CKMT2: variants seen among roughly 807,000 people sequenced by gnomAD.
CKMT2 encodes the protein creatine kinase S-type, mitochondrial.
CKMT2 carries 43 observed loss-of-function variants against 48.9 expected under a neutral mutation model. The observed-to-expected ratio is 0.88, with a 90% CI of 0.69 to 1.13. CKMT2 has a LOEUF of 1.13. Among genes scored for constraint, CKMT2 ranks in the 50% most tolerant of loss-of-function variants. The probability of loss-of-function intolerance (pLI) is 0.00; values close to 1 mark genes in which losing one functional copy is unlikely to be tolerated. For missense variants in CKMT2, 472 were observed against 555.4 expected (o/e 0.85, Z 1.51); for synonymous variants, 206 against 213.0 (o/e 0.97, Z 0.29).
intron 1 of CKMT2, chr5:81,242,641 T>C: frequency 3.8e-6 from 1 of 266,644 alleles, no homozygotes; most frequent in South Asian, 4.9e-5. Flanking sequence ...GACGCTGAGA[T>C]TTGTAGTGAG....
At chr5:81,257,301 G>A (rs1757047245) in intron 6 of CKMT2, among the ~76,000 whole-genome samples, 1 of 152,130 alleles carries the variant, frequency 6.6e-6, no homozygotes, top group Non-Finnish European at 1.5e-5. Context: ...GGGATGGACA[G>A]GCAGGATCCA....
intron 7 of CKMT2, 101 bp downstream of exon 7, chr5:81,257,957 A>T: frequency 8.4e-7 from 1 of 1,184,348 alleles, no homozygotes; most frequent in Non-Finnish European, 1.1e-6. Flanking sequence ...GATGGAGCTA[A>T]TTTTTTTCTA....
intron 1 of CKMT2, among the ~76,000 whole-genome samples, chr5:81,240,323 C>T (rs1220524076): frequency 4.6e-5 from 7 of 152,226 alleles, no homozygotes; most frequent in Non-Finnish European, 1.0e-4. Context: ...AAACACTCAG[C>T]ATACCTGAGA....
intron 7 of CKMT2, 98 bp downstream of exon 7, chr5:81,257,954 C>CTAAT (rs1757075335): frequency 2.5e-6 from 3 of 1,220,212 alleles, no homozygotes; most frequent in African/African-American, 1.5e-5. Context: ...CAAGATGGAG[C>CTAAT]TAATTTTTTT....
At position 81,249,433 on chromosome 5, in the gene CKMT2, C is replaced by T. The variant is rs573534664; in HGVS notation, c.-20-1680C>T. The stretch of plus-strand genomic sequence containing the variant: ...AGATCAAATAGAGTACTGAGAACTA[C>T]GTACTCTTTTGTTCTCTACTCAAAG... On this transcript the variant is annotated intron_variant, in intron 1 of 9. Coordinates refer to ENST00000254035, the MANE Select transcript of CKMT2 (RefSeq NM_001099735.2). 2.6e-5 allele frequency among the ~76,000 whole-genome samples: 4 copies of T among 152,268 alleles called. 1 individual carries two copies. The highest frequency in any genetic ancestry group is 2.9e-5 in the Non-Finnish European group (2 of 68,008).
At chr5:81,264,312 T>C (rs1277239406) in intron 9 of CKMT2, among the ~76,000 whole-genome samples, 1 of 152,224 alleles carries the variant, frequency 6.6e-6, no homozygotes, top group Admixed American at 6.5e-5. Context: ...TATCTGGATG[T>C]GGTCCCATTG....
intron 1 of CKMT2, among the ~76,000 whole-genome samples, chr5:81,248,557 C>G (rs945764075): frequency 5.9e-5 from 9 of 152,192 alleles, no homozygotes; most frequent in Non-Finnish European, 1.0e-4. Flanking sequence ...ACATGATGAC[C>G]TGAAATCTAG....
chr5:81,245,974 C>T (rs139987508), intron 1 of CKMT2, among the ~76,000 whole-genome samples: 155 of 152,202 alleles, frequency 1.0e-3, no homozygotes, highest in African/African-American at 2.6e-3. Context: ...ACCATTAGCA[C>T]GACCTGTCAG....
At chr5:81,259,957 G>T (rs192703809) in intron 8 of CKMT2, among the ~76,000 whole-genome samples, 2 of 151,936 alleles carry the variant, frequency 1.3e-5, no homozygotes, top group Non-Finnish European at 2.9e-5. Context: ...TTGTAAAATC[G>T]ACCCCACAAT....
chr5:81,259,633 C>T (rs1028452490), intron 8 of CKMT2, among the ~76,000 whole-genome samples: 1 of 152,126 alleles, frequency 6.6e-6, no homozygotes, highest in African/African-American at 2.4e-5. Context: ...AGTTGCTAGG[C>T]CCCACCTGCA....
At chr5:81,237,898 A>C (rs548200963) in intron 1 of CKMT2, 3 of 152,332 alleles carry the variant, frequency 2.0e-5, no homozygotes, top group Non-Finnish European at 4.4e-5. Context: ...ATAGCTGCAG[A>C]ATATTTCACC....
At chr5:81,265,820 G>A (rs1009567081) in intron 9 of CKMT2, among the ~76,000 whole-genome samples, 3 of 152,194 alleles carry the variant, frequency 2.0e-5, no homozygotes, top group Non-Finnish European at 4.4e-5. Context: ...AGAATAACAC[G>A]AGGGTGTCAC....
chr5:81,261,869 A>G (rs1757235834), intron 8 of CKMT2, among the ~76,000 whole-genome samples: 2 of 152,242 alleles, frequency 1.3e-5, no homozygotes, highest in South Asian at 4.1e-4. Context: ...ACCAAAAAGG[A>G]GCGCATATAG....
chr5:81,238,065 T>G (rs1011378569), intron 1 of CKMT2: 1 of 152,242 alleles, frequency 6.6e-6, no homozygotes, highest in Non-Finnish European at 1.5e-5. Context: ...CTGGGCGTGG[T>G]GGCTCACACC....
chr5:81,235,706 C>A (rs2112775157), intron 1 of CKMT2: 1 of 152,198 alleles, frequency 6.6e-6, no homozygotes, highest in Admixed American at 6.5e-5. Flanking sequence ...AGTATACCTG[C>A]CTGGGACCAA....
intron 1 of CKMT2, among the ~76,000 whole-genome samples, chr5:81,240,663 C>T (rs1052641585): frequency 2.6e-5 from 4 of 152,154 alleles, no homozygotes; most frequent in African/African-American, 9.7e-5. Context: ...AGAACAGACA[C>T]TCGATACATA....
At chr5:81,238,297 G>C (rs1271865480) in intron 1 of CKMT2, 1 of 152,098 alleles carries the variant, frequency 6.6e-6, no homozygotes, top group Non-Finnish European at 1.5e-5. Flanking sequence ...TCGCGCCACT[G>C]CACTCCAGCC....
chr5:81,256,085 T>C (rs1354640345), intron 5 of CKMT2, among the ~76,000 whole-genome samples: 3 of 152,140 alleles, frequency 2.0e-5, no homozygotes, highest in East Asian at 3.9e-4. Context: ...CCACATCCAC[T>C]TGGTCTCTTA....
intron 2 of CKMT2, 128 bp from the exon 3 acceptor site, chr5:81,252,567 C>A: frequency 1.1e-6 from 1 of 907,838 alleles, no homozygotes; most frequent in South Asian, 1.5e-5. Context: ...CTAGGCAGTT[C>A]TAGCCAAGTA....
Sources: gnomAD v4.1 joint callset for allele counts (sites outside exome capture counted in the v4.1 genomes callset) on GRCh38, gnomAD v4.1.1 for gene constraint, MANE v1.5 for transcripts, NCBI Gene and HGNC (gene_info 2026-07-23, HGNC 2026-07-21) for gene names.